TMEM108: variants seen among roughly 807,000 people sequenced by gnomAD.
The protein encoded by TMEM108 is transmembrane protein 108.
A neutral mutation model predicts 35.1 loss-of-function variants in TMEM108; 12 were observed. The observed-to-expected ratio is 0.34, with a 90% confidence interval of 0.22 to 0.55. The LOEUF (loss-of-function observed/expected upper bound fraction) is 0.55. Among genes scored for constraint, TMEM108 ranks in the 20% least tolerant of loss-of-function variants. TMEM108 has a pLI of 0.89. For synonymous variants in TMEM108, 287 were observed against 308.6 expected (o/e 0.93, Z 0.73); for missense variants, 680 against 753.3 (o/e 0.90, Z 1.14).
chr3:133,238,919 G>A (rs984718554), intron 3 of TMEM108, among the ~76,000 whole-genome samples: 1 of 152,192 alleles, frequency 6.6e-6, no homozygotes, highest in East Asian at 1.9e-4. Flanking sequence ...GTGAGGAGAT[G>A]AACGGAACTT....
chr3:133,056,279 G>A (rs1405007263), intron 2 of TMEM108, among the ~76,000 whole-genome samples: 1 of 152,044 alleles, frequency 6.6e-6, no homozygotes, highest in Non-Finnish European at 1.5e-5. Context: ...CCTTGGTCCC[G>A]TTCTCTCCTC....
At chr3:133,132,317 ACT>A (rs1378547677) in intron 2 of TMEM108, among the ~76,000 whole-genome samples, 3 of 152,110 alleles carry the variant, frequency 2.0e-5, no homozygotes, top group Non-Finnish European at 2.9e-5. Context: ...GGGCAGGGTG[ACT>A]CTCTTGTTAG....
chr3:133,201,935 A>G (rs1015014631), intron 2 of TMEM108, among the ~76,000 whole-genome samples: 6 of 152,150 alleles, frequency 3.9e-5, no homozygotes, highest in African/African-American at 4.8e-5. Context: ...AAGCGTTCCT[A>G]TTTTTCCACG....
At chr3:133,365,490 A>G (rs2072477837) in intron 3 of TMEM108, among the ~76,000 whole-genome samples, 1 of 152,132 alleles carries the variant, frequency 6.6e-6, no homozygotes, top group South Asian at 2.1e-4. Flanking sequence ...GTTAAGAGCT[A>G]TGGTTGGGGT....
At position 133,396,054 on chromosome 3, in the gene TMEM108, AT is replaced by A; in HGVS notation, c.*70del. The A allele has an allele frequency of 9.0e-7, 1 of 1,114,232 alleles. No individual in the cohort carries two copies. The highest frequency in any genetic ancestry group is 1.1e-6 in the Non-Finnish European group (1 of 878,640). 69.0% of individuals were successfully genotyped at this position (1,114,232 alleles called of 1,614,324 possible). A position where few individuals can be genotyped will look rare whatever the true frequency, so the allele number is the denominator to read the frequency against. On this transcript the variant is annotated 3_prime_UTR_variant, in exon 6 of 6. Coordinates refer to ENST00000321871, the MANE Select transcript of TMEM108 (RefSeq NM_023943.4). Reference sequence around the variant, plus strand: ...AAATTATAAATATACAAATACATATATTATAAATATAACCTTTGTGTAACCC... The same window carrying A: ...AAATTATAAATATACAAATACATATATATAAATATAACCTTTGTGTAACCC...
chr3:133,271,650 G>A (rs1363939709), intron 3 of TMEM108, among the ~76,000 whole-genome samples: 2 of 152,104 alleles, frequency 1.3e-5, no homozygotes, highest in Non-Finnish European at 2.9e-5. Flanking sequence ...TTGTTTGCAG[G>A]GAGAGAGTGA....
rs1363208935 is a variant in TMEM108, at chr3:133,386,382, CAG to C, written c.1451-3797_1451-3796del. The C allele has an allele frequency of 9.8e-6, 15 of 1,535,906 alleles. No individual in the cohort carries two copies. In the Admixed American group the frequency reaches 2.6e-4, roughly 26 times the overall value. On this transcript the variant is annotated intron_variant, in intron 4 of 5. Coordinates refer to ENST00000321871, the MANE Select transcript of TMEM108 (RefSeq NM_023943.4). The stretch of plus-strand genomic sequence containing the variant: ...ATAGTTGTTTGAAAGGTTGAATCCT[CAG>C]GGGACCTGCAGGGTTTCATTTCCAT...
chr3:133,365,400 A>G (rs183369536), intron 3 of TMEM108, among the ~76,000 whole-genome samples: 62 of 152,340 alleles, frequency 4.1e-4, no homozygotes, highest in African/African-American at 1.5e-3. Context: ...TTTTCTCTCC[A>G]TAACTCCTCA....
chr3:133,368,467 G>T (rs1276463988), intron 3 of TMEM108, among the ~76,000 whole-genome samples: 1 of 152,142 alleles, frequency 6.6e-6, no homozygotes, highest in African/African-American at 2.4e-5. Flanking sequence ...GCTTACCATG[G>T]CGGGAGCAAT....
intron 2 of TMEM108, among the ~76,000 whole-genome samples, chr3:133,221,991 A>G (rs1222283311): frequency 1.3e-5 from 2 of 152,146 alleles, no homozygotes; most frequent in Non-Finnish European, 2.9e-5. Flanking sequence ...TCTGAATTTG[A>G]CTATGCACTT....
chr3:133,078,140 A>AGTGTGTGTGTGTGTGT (rs745912251), intron 2 of TMEM108, among the ~76,000 whole-genome samples: 9 of 106,248 alleles, frequency 8.5e-5, no homozygotes, highest in South Asian at 2.8e-4. Context: ...TATGGAGCTC[A>AGTGTGTGTGTGTGTGT]GTGTGTGTGT....
chr3:133,199,485 T>G (rs1945628274), intron 2 of TMEM108, among the ~76,000 whole-genome samples: 1 of 152,234 alleles, frequency 6.6e-6, no homozygotes, highest in South Asian at 2.1e-4. Flanking sequence ...TCCTTTCTGT[T>G]TGTTAGTTTT....
chr3:133,383,330 G>A (rs2073062124), intron 4 of TMEM108, among the ~76,000 whole-genome samples: 1 of 152,192 alleles, frequency 6.6e-6, no homozygotes, highest in South Asian at 2.1e-4. Context: ...ACACCTTACA[G>A]GTAGGGAGTG....
At chr3:133,165,548 A>C (rs1324886254) in intron 2 of TMEM108, among the ~76,000 whole-genome samples, 2 of 152,266 alleles carry the variant, frequency 1.3e-5, no homozygotes, top group African/African-American at 4.8e-5. Flanking sequence ...TGGAAAAAGA[A>C]GTATTTGCAG....
At chr3:133,255,299 G>A (rs891871783) in intron 3 of TMEM108, among the ~76,000 whole-genome samples, 9 of 152,240 alleles carry the variant, frequency 5.9e-5, no homozygotes, top group Middle Eastern at 3.4e-3. Flanking sequence ...GATGGAAATA[G>A]GGGAGGAAGA....
chr3:133,065,284 C>T (rs1476614393), intron 2 of TMEM108, among the ~76,000 whole-genome samples: 1 of 149,854 alleles, frequency 6.7e-6, no homozygotes, highest in Admixed American at 6.6e-5. Flanking sequence ...ACATAGGTAG[C>T]CACACACACA....
chr3:133,367,850 G>C (rs1299874165), intron 3 of TMEM108, among the ~76,000 whole-genome samples: 1 of 152,180 alleles, frequency 6.6e-6, no homozygotes, highest in East Asian at 1.9e-4. Flanking sequence ...TCCTCAACAA[G>C]TTCTTTTGTG....
At chr3:133,148,469 A>AT (rs1944752953) in intron 2 of TMEM108, among the ~76,000 whole-genome samples, 1 of 152,042 alleles carries the variant, frequency 6.6e-6, no homozygotes, top group African/African-American at 2.4e-5. Flanking sequence ...ATTAATAATA[A>AT]AAAAAAATCT....
intron 3 of TMEM108, among the ~76,000 whole-genome samples, chr3:133,348,456 A>G (rs1480250415): frequency 3.9e-5 from 6 of 152,262 alleles, no homozygotes; most frequent in South Asian, 4.2e-4. Context: ...AAGTCTTAGT[A>G]TAGGGCATTT....
Sources: gnomAD v4.1 joint callset for allele counts (sites outside exome capture counted in the v4.1 genomes callset) on GRCh38, gnomAD v4.1.1 for gene constraint, MANE v1.5 for transcripts, NCBI Gene and HGNC (gene_info 2026-07-23, HGNC 2026-07-21) for gene names.